Variants in PDE1A observed in about 807,000 individuals in gnomAD.
PDE1A encodes the protein phosphodiesterase 1A, also known as dual specificity calcium/calmodulin-dependent 3',5'-cyclic nucleotide phosphodiesterase 1A.
PDE1A carries 35 observed loss-of-function variants against 61.7 expected under a neutral mutation model. The ratio of observed to expected loss-of-function variants is 0.57; its 90% confidence interval spans 0.43 to 0.75. The LOEUF (loss-of-function observed/expected upper bound fraction) is 0.75. PDE1A is among the 30% of genes least tolerant of loss of function. PDE1A has a pLI of 0.00. For missense variants in PDE1A, 597 were observed against 630.6 expected (o/e 0.95, Z 0.57); for synonymous variants, 232 against 213.2 (o/e 1.09, Z -0.77).
At chr2:182,261,847 A>G (rs1375921084) in intron 2 of PDE1A, among the ~76,000 whole-genome samples, 2 of 152,228 alleles carry the variant, frequency 1.3e-5, no homozygotes, top group African/African-American at 4.8e-5. Flanking sequence ...GCATTATGCC[A>G]TTAGAAGATG....
At chr2:182,409,677 A>AGGGTCACT (rs1236226213) in intron 1 of PDE1A, among the ~76,000 whole-genome samples, 1 of 152,178 alleles carries the variant, frequency 6.6e-6, no homozygotes, top group African/African-American at 2.4e-5. Flanking sequence ...AATGAATGGG[A>AGGGTCACT]GGGTCACTGG....
the PDE1A span, among the ~76,000 whole-genome samples, chr2:182,589,794 C>T: frequency 6.6e-6 from 1 of 152,278 alleles, no homozygotes; most frequent in Admixed American, 6.5e-5. Context: ...ATTTCTATTC[C>T]ATACATCAGT....
chr2:182,507,473 G>C (rs1181738174), intron 2 of PDE1A, among the ~76,000 whole-genome samples: 1 of 152,106 alleles, frequency 6.6e-6, no homozygotes, highest in Non-Finnish European at 1.5e-5. Context: ...GGTCTCACCA[G>C]GCTTCTTCAC....
chr2:182,412,739 T>C (rs1702690431), intron 1 of PDE1A, among the ~76,000 whole-genome samples: 1 of 152,218 alleles, frequency 6.6e-6, no homozygotes, highest in East Asian at 1.9e-4. Context: ...TTACACTAGA[T>C]ACAAGGTTTT....
the PDE1A span, among the ~76,000 whole-genome samples, chr2:182,564,324 G>A: frequency 2.0e-5 from 3 of 152,082 alleles, no homozygotes; most frequent in African/African-American, 7.2e-5. Context: ...AGCTTAGTTT[G>A]GCTGGATATG....
chr2:182,348,814 T>C (rs939695413), intron 1 of PDE1A, among the ~76,000 whole-genome samples: 1 of 151,798 alleles, frequency 6.6e-6, no homozygotes, highest in East Asian at 1.9e-4. Flanking sequence ...AACCTTATTC[T>C]AAATTTTTAG....
chr2:182,328,971 T>C (rs970046188), intron 1 of PDE1A, among the ~76,000 whole-genome samples: 1 of 152,192 alleles, frequency 6.6e-6, no homozygotes, highest in Non-Finnish European at 1.5e-5. Context: ...CAACTTCTTT[T>C]CTTTGTGTAA....
At chr2:182,340,097 G>C (rs1574396864) in intron 1 of PDE1A, among the ~76,000 whole-genome samples, 1 of 152,050 alleles carries the variant, frequency 6.6e-6, no homozygotes, top group Non-Finnish European at 1.5e-5. Context: ...TTATGACAAG[G>C]CCAAGGTAAA....
intron 1 of PDE1A, among the ~76,000 whole-genome samples, chr2:182,376,579 ATCT>A (rs1243315369): frequency 6.6e-6 from 1 of 152,220 alleles, no homozygotes; most frequent in African/African-American, 2.4e-5. Flanking sequence ...ACATTTTCTT[ATCT>A]TCTTCTGAGC....
chr2:182,452,198 G>A (rs185812622), intron 2 of PDE1A, among the ~76,000 whole-genome samples: 1 of 152,160 alleles, frequency 6.6e-6, no homozygotes, highest in East Asian at 1.9e-4. Flanking sequence ...ACAAACTGTG[G>A]TGCTGAGGTA....
chr2:182,540,104 C>CT, the PDE1A span, among the ~76,000 whole-genome samples: 2 of 152,124 alleles, frequency 1.3e-5, no homozygotes. Flanking sequence ...GTGGCTCACA[C>CT]GTGTAATTCA....
chr2:182,638,902 G>A, the PDE1A span, among the ~76,000 whole-genome samples: 1 of 152,168 alleles, frequency 6.6e-6, no homozygotes, highest in African/African-American at 2.4e-5. Context: ...TGAGGAAAGT[G>A]TAGCAAAGAT....
chr2:182,695,494 G>A, the PDE1A span, among the ~76,000 whole-genome samples: 6 of 151,850 alleles, frequency 4.0e-5, no homozygotes, highest in South Asian at 6.2e-4. Context: ...GTGAAACTCC[G>A]TCTCTACTAA....
chr2:182,175,192 C>T (rs964581701), intron 13 of PDE1A, among the ~76,000 whole-genome samples: 1 of 152,148 alleles, frequency 6.6e-6, no homozygotes, highest in African/African-American at 2.4e-5. Flanking sequence ...GTGAACAGTG[C>T]TGCAATAAAC....
At chr2:182,304,092 G>A (rs190717784) in intron 1 of PDE1A, among the ~76,000 whole-genome samples, 34 of 152,084 alleles carry the variant, frequency 2.2e-4, no homozygotes, top group Non-Finnish European at 3.8e-4. Flanking sequence ...GTAGAGACAC[G>A]GTTTCACCAC....
At chr2:182,582,597 C>T in the PDE1A span, among the ~76,000 whole-genome samples, 10 of 152,256 alleles carry the variant, frequency 6.6e-5, no homozygotes, top group African/African-American at 2.4e-4. Flanking sequence ...GAGAGTGCCA[C>T]TCGGGCCAAG....
chr2:182,212,848 C>T (rs1448307310), intron 7 of PDE1A, among the ~76,000 whole-genome samples: 10 of 152,262 alleles, frequency 6.6e-5, no homozygotes, highest in Non-Finnish European at 1.3e-4. Context: ...GGAGGGGCGC[C>T]TGCCATTGCC....
chr2:182,313,303 A>G (rs1470510962), intron 1 of PDE1A, among the ~76,000 whole-genome samples: 1 of 152,066 alleles, frequency 6.6e-6, no homozygotes. Flanking sequence ...AATCCCAGCT[A>G]CTCAGGAGGC....
the PDE1A span, among the ~76,000 whole-genome samples, chr2:182,546,766 T>G: frequency 6.6e-6 from 1 of 152,192 alleles, no homozygotes; most frequent in African/African-American, 2.4e-5. Flanking sequence ...AAGAAAGGAT[T>G]CACCTAAATG....
Sources: gnomAD v4.1 joint callset for allele counts (sites outside exome capture counted in the v4.1 genomes callset) on GRCh38, gnomAD v4.1.1 for gene constraint, MANE v1.5 for transcripts, NCBI Gene and HGNC (gene_info 2026-07-23, HGNC 2026-07-21) for gene names.